AGMO: variants seen among roughly 807,000 people sequenced by gnomAD.
AGMO encodes the protein glyceryl-ether monooxygenase.
AGMO carries 75 observed loss-of-function variants against 60.2 expected under a neutral mutation model. The ratio of observed to expected loss-of-function variants is 1.25; its 90% CI spans 1.03 to 1.51. The LOEUF is 1.51. AGMO is among the 40% of genes most tolerant of loss of function. The probability of loss-of-function intolerance (pLI) is 0.00; values close to 1 mark genes in which losing one functional copy is unlikely to be tolerated. For missense variants in AGMO, 763 were observed against 525.5 expected, an observed-to-expected ratio of 1.45 and a Z score of -4.42; for synonymous variants, 261 against 177.1, an observed-to-expected ratio of 1.47 and a Z score of -3.76.
chr7:15,500,327 G>T (rs2128524895), intron 3 of AGMO, among the ~76,000 whole-genome samples: 1 of 151,992 alleles, frequency 6.6e-6, no homozygotes. Context: ...GCATTAAGTG[G>T]CCTTGTCTTT....
chr7:15,487,210 A>T (rs1402851723), intron 3 of AGMO, among the ~76,000 whole-genome samples: 1 of 152,212 alleles, frequency 6.6e-6, no homozygotes, highest in Non-Finnish European at 1.5e-5. Flanking sequence ...GAACTGTAAG[A>T]AATAATTGAA....
intron 12 of AGMO, among the ~76,000 whole-genome samples, chr7:15,353,960 G>C (rs1362601908): frequency 6.6e-6 from 1 of 152,012 alleles, no homozygotes; most frequent in Non-Finnish European, 1.5e-5. Context: ...CCCATACAAA[G>C]CCAATACATT....
chr7:15,413,141 A>T (rs569761777), intron 5 of AGMO, among the ~76,000 whole-genome samples: 2 of 152,340 alleles, frequency 1.3e-5, no homozygotes, highest in South Asian at 2.1e-4. Context: ...AGCAGAGAAA[A>T]ACTGTTTATT....
chr7:15,281,783 T>C (rs1783973396), intron 12 of AGMO, among the ~76,000 whole-genome samples: 1 of 152,032 alleles, frequency 6.6e-6, no homozygotes, highest in South Asian at 2.1e-4. Context: ...GTAAATAAAT[T>C]ATTGAGGGGA....
chr7:15,198,815 G>A (rs1452294112), downstream of AGMO, among the ~76,000 whole-genome samples: 1 of 152,098 alleles, frequency 6.6e-6, no homozygotes. Context: ...TCCATGGAGT[G>A]CAGGAGCTGA....
chr7:15,453,193 C>A (rs1477257503), intron 3 of AGMO, among the ~76,000 whole-genome samples: 2 of 152,010 alleles, frequency 1.3e-5, no homozygotes, highest in South Asian at 4.2e-4. Context: ...CACTGAATGG[C>A]ACAGTTTAAG....
the AGMO span, among the ~76,000 whole-genome samples, chr7:15,128,123 T>G: frequency 6.6e-6 from 1 of 152,086 alleles, no homozygotes. Context: ...ACCCTGCCAG[T>G]GCCACCCAAG....
At chr7:15,544,319 G>C (rs1240487095) in intron 3 of AGMO, among the ~76,000 whole-genome samples, 1 of 151,958 alleles carries the variant, frequency 6.6e-6, no homozygotes, top group Non-Finnish European at 1.5e-5. Flanking sequence ...CAAAACTGAA[G>C]AACTTATTCA....
intron 4 of AGMO, among the ~76,000 whole-genome samples, chr7:15,427,547 G>T (rs559604560): frequency 1.3e-5 from 2 of 151,908 alleles, no homozygotes; most frequent in African/African-American, 2.4e-5. Context: ...TCTTTTTCAC[G>T]CACTTTAGTG....
At chr7:15,229,859 CA>C (rs1302245356) in intron 12 of AGMO, among the ~76,000 whole-genome samples, 2 of 150,676 alleles carry the variant, frequency 1.3e-5, no homozygotes, top group Non-Finnish European at 3.0e-5. Flanking sequence ...CTGTAGAATT[CA>C]AAATGTACTA....
chr7:15,474,271 G>A (rs983334592), intron 3 of AGMO, among the ~76,000 whole-genome samples: 13 of 152,194 alleles, frequency 8.5e-5, no homozygotes, highest in South Asian at 4.1e-4. Flanking sequence ...CAACAAAGCT[G>A]GAGGAATAAT....
chr7:15,442,613 T>G (rs569926655), intron 3 of AGMO, among the ~76,000 whole-genome samples: 26 of 152,198 alleles, frequency 1.7e-4, no homozygotes, highest in African/African-American at 5.5e-4. Flanking sequence ...TTTGATCTTA[T>G]AGTGATACAG....
At chr7:15,152,123 T>A in the AGMO span, among the ~76,000 whole-genome samples, 1 of 152,174 alleles carries the variant, frequency 6.6e-6, no homozygotes, top group African/African-American at 2.4e-5. Context: ...AATTGAACCT[T>A]TTATTATTAT....
rs568668611 is a variant in AGMO, at chr7:15,314,397, G to A, written c.1263+51117C>T. On this transcript the variant is annotated intron_variant, in intron 12 of 12. Coordinates refer to ENST00000342526, the MANE Select transcript of AGMO (RefSeq NM_001004320.2). ...TATTTTGTTCAGTAACAGGAAAATA[G>A]GACAAAAAATCCTTGGTATATATGT... 3.9e-5 allele frequency among the ~76,000 whole-genome samples: 6 copies of A among 152,010 alleles called. No homozygotes were observed. In the East Asian group the frequency reaches 1.2e-3, roughly 30 times the overall value.
intron 1 of AGMO, among the ~76,000 whole-genome samples, chr7:15,560,863 T>C (rs1785284574): frequency 1.3e-5 from 2 of 152,198 alleles, no homozygotes; most frequent in South Asian, 4.1e-4. Context: ...GCTCCACTAT[T>C]GGTGATGGAG....
chr7:15,215,701 A>C (rs535110735), intron 12 of AGMO, among the ~76,000 whole-genome samples: 21 of 152,184 alleles, frequency 1.4e-4, no homozygotes, highest in Admixed American at 5.2e-4. Flanking sequence ...AAAGCTACCA[A>C]GATTTGAAAC....
chr7:15,402,869 C>G (rs1784589881), intron 5 of AGMO, among the ~76,000 whole-genome samples: 1 of 151,484 alleles, frequency 6.6e-6, no homozygotes, highest in Non-Finnish European at 1.5e-5. Context: ...TCAGCCAGTT[C>G]ATTTATTCTG....
intron 10 of AGMO, among the ~76,000 whole-genome samples, chr7:15,381,671 G>C (rs773427753): frequency 4.6e-5 from 7 of 152,078 alleles, no homozygotes; most frequent in Non-Finnish European, 8.8e-5. Context: ...CCATTACTAG[G>C]TATACATACA....
chr7:15,354,425 CACACGTGTGTGTATACACACGT>C (rs1281351965), intron 12 of AGMO, among the ~76,000 whole-genome samples: 2 of 23,198 alleles, frequency 8.6e-5, no homozygotes, highest in Non-Finnish European at 1.3e-4. Context: ...TGTGTATACA[CACACGTGTGTGTATACACACGT>C]GTGTGTATAC....
Sources: allele counts gnomAD v4.1 joint callset (sites outside exome capture counted in the v4.1 genomes callset), GRCh38; gene constraint gnomAD v4.1.1; transcripts MANE v1.5; gene names NCBI Gene and HGNC (gene_info 2026-07-23, HGNC 2026-07-21).